Variants in SND1 observed in about 807,000 individuals in gnomAD.
SND1 encodes staphylococcal nuclease domain-containing protein 1.
SND1 carries 38 observed loss-of-function variants against 121.7 expected under a neutral mutation model. That is an observed-to-expected ratio of 0.31 (90% CI 0.24 to 0.41). The LOEUF (loss-of-function observed/expected upper bound fraction) is 0.41, where lower values mean the gene tolerates loss of function less well. Ranked by LOEUF, SND1 falls within the 10% of genes least tolerant of loss-of-function variation. SND1 has a pLI of 1.00. For synonymous variants in SND1, 401 were observed against 447.4 expected, an observed-to-expected ratio of 0.90 and a Z score of 1.31; for missense variants, 868 against 1,184.6, an observed-to-expected ratio of 0.73 and a Z score of 3.92.
chr7:127,884,847 G>A (rs1391638866), intron 12 of SND1, among the ~76,000 whole-genome samples: 1 of 152,126 alleles, frequency 6.6e-6, no homozygotes, highest in East Asian at 1.9e-4. Context: ...GTTCATTCTA[G>A]TTTTCTTCCT....
chr7:127,665,347 C>T (rs918958035), intron 1 of SND1, among the ~76,000 whole-genome samples: 20 of 152,102 alleles, frequency 1.3e-4, no homozygotes, highest in Admixed American at 6.5e-4. Context: ...CCACCACGCC[C>T]GGCCAATTTT....
chr7:127,765,563 G>A (rs1368431904), intron 10 of SND1, among the ~76,000 whole-genome samples: 3 of 152,212 alleles, frequency 2.0e-5, no homozygotes, highest in East Asian at 1.9e-4. Flanking sequence ...TCTCTTGTAA[G>A]TGCTGAGAGT....
intron 16 of SND1, among the ~76,000 whole-genome samples, chr7:127,992,170 T>C (rs781332229): frequency 4.6e-5 from 7 of 152,232 alleles, no homozygotes; most frequent in Non-Finnish European, 8.8e-5. Context: ...GGGGGCTTAA[T>C]TGTATCATCA....
chr7:127,728,414 G>A (rs530488856), intron 10 of SND1, among the ~76,000 whole-genome samples: 2 of 152,108 alleles, frequency 1.3e-5, no homozygotes, highest in East Asian at 1.9e-4. Flanking sequence ...TCTCAGTCTC[G>A]TGAGCTGCAG....
rs144942375 is a variant in SND1, at chr7:127,883,223, A to G, written c.1344-4679A>G. 3.9e-3 allele frequency among the ~76,000 whole-genome samples: 593 copies of G among 152,236 alleles called. 17 individuals carry two copies. Among genetic ancestry groups the G allele is most frequent in the Admixed American group, 0.03 (462 of 15,290 alleles). On this transcript the variant is annotated intron_variant, in intron 12 of 23. Coordinates refer to ENST00000354725, the MANE Select transcript of SND1 (RefSeq NM_014390.4). ...TAAGCTCAAACTTAGCCACTATAAG[A>G]TAGTAGTGAAACCGTGGGGTCCAAT... is the stretch of plus-strand genomic sequence containing the variant.
chr7:128,076,066 C>T (rs1240814285), intron 17 of SND1, among the ~76,000 whole-genome samples: 4 of 152,188 alleles, frequency 2.6e-5, no homozygotes, highest in Admixed American at 1.3e-4. Context: ...AAAGCATCTT[C>T]GTCCTTGCCC....
chr7:127,691,420 T>C (rs1387749572), intron 2 of SND1, among the ~76,000 whole-genome samples: 3 of 151,624 alleles, frequency 2.0e-5, no homozygotes, highest in African/African-American at 7.3e-5. Flanking sequence ...GGCATGTGCG[T>C]GTAGTCCCGG....
At chr7:127,917,425 A>T (rs1270826668) in intron 14 of SND1, among the ~76,000 whole-genome samples, 1 of 152,160 alleles carries the variant, frequency 6.6e-6, no homozygotes, top group African/African-American at 2.4e-5. Flanking sequence ...TTGGGCTTTT[A>T]CAAGTTGCTC....
chr7:127,934,492 CA>C (rs1411495983), intron 15 of SND1, among the ~76,000 whole-genome samples: 3 of 151,996 alleles, frequency 2.0e-5, no homozygotes, highest in Non-Finnish European at 4.4e-5. Flanking sequence ...TCTGGGAGAG[CA>C]ATTAAGAGGC....
At chr7:128,048,070 T>C (rs1349451012) in intron 16 of SND1, among the ~76,000 whole-genome samples, 1 of 151,966 alleles carries the variant, frequency 6.6e-6, no homozygotes, top group African/African-American at 2.4e-5. Flanking sequence ...CTGGTCTCGA[T>C]CTCCTGACCT....
At chr7:127,881,780 C>T (rs767951102) in intron 12 of SND1, among the ~76,000 whole-genome samples, 5 of 151,962 alleles carry the variant, frequency 3.3e-5, no homozygotes, top group Admixed American at 6.6e-5. Context: ...ACTCTGTCAC[C>T]GAGTCTGGAG....
chr7:127,972,021 C>T lies in SND1; in HGVS notation c.1670-18926C>T, dbSNP rs1490874341. Among the ~76,000 whole-genome samples the T allele has an allele frequency of 2.6e-5, 4 of 151,880 alleles. No individual in the cohort carries two copies. In the East Asian group the frequency reaches 7.7e-4, roughly 29 times the overall value. ...AACTCCTGAGCTCAGACAGTCCACC[C>T]GCCTCGGCCTCCCAAAGTGCTAGGA... On this transcript the variant is annotated intron_variant, in intron 15 of 23. Coordinates refer to ENST00000354725, the MANE Select transcript of SND1 (RefSeq NM_014390.4).
intron 12 of SND1, chr7:127,858,474 G>A (rs901546179): frequency 3.3e-6 from 2 of 610,264 alleles, no homozygotes; most frequent in East Asian, 3.1e-5. Context: ...GCCTGGCGTG[G>A]GGTCTCATTT....
At chr7:127,805,282 C>T (rs910201824) in intron 10 of SND1, among the ~76,000 whole-genome samples, 2 of 152,166 alleles carry the variant, frequency 1.3e-5, no homozygotes, top group African/African-American at 4.8e-5. Flanking sequence ...TCATATCCTT[C>T]CCATTAGACA....
chr7:127,982,357 G>A (rs1168952777), intron 15 of SND1, among the ~76,000 whole-genome samples: 1 of 152,198 alleles, frequency 6.6e-6, no homozygotes, highest in Admixed American at 6.5e-5. Context: ...AATTGGAGCT[G>A]TGACTAAAAA....
intron 21 of SND1, among the ~76,000 whole-genome samples, chr7:128,089,123 T>C (rs1047840589): frequency 6.6e-5 from 10 of 152,112 alleles, no homozygotes; most frequent in African/African-American, 2.2e-4. Context: ...GGCGCAATAT[T>C]GGCTCACTGC....
At chr7:128,063,793 A>G (rs1051485692) in intron 16 of SND1, among the ~76,000 whole-genome samples, 2 of 152,256 alleles carry the variant, frequency 1.3e-5, no homozygotes, top group African/African-American at 2.4e-5. Flanking sequence ...TTACAGGTGA[A>G]GTCATAGGAC....
intron 10 of SND1, among the ~76,000 whole-genome samples, chr7:127,740,452 A>C (rs74651433): frequency 3.3e-5 from 5 of 152,188 alleles, no homozygotes; most frequent in Admixed American, 3.3e-4. Context: ...AGAGTCCCCA[A>C]AGAATCACAG....
intron 21 of SND1, among the ~76,000 whole-genome samples, chr7:128,087,722 C>G (rs917009918): frequency 6.6e-6 from 1 of 152,054 alleles, no homozygotes; most frequent in Middle Eastern, 3.2e-3. Flanking sequence ...ATGCGGTGTA[C>G]AAGATTGCCC....
Sources: gnomAD v4.1 joint callset for allele counts (sites outside exome capture counted in the v4.1 genomes callset) on GRCh38, gnomAD v4.1.1 for gene constraint, MANE v1.5 for transcripts, NCBI Gene and HGNC (gene_info 2026-07-23, HGNC 2026-07-21) for gene names.